CTNNA2: variants seen among roughly 807,000 people sequenced by gnomAD.
CTNNA2 encodes catenin alpha 2, also known as catenin alpha-2.
A neutral mutation model predicts 101.0 loss-of-function variants in CTNNA2; 42 were observed. The ratio of observed to expected loss-of-function variants is 0.42; its 90% CI spans 0.32 to 0.54. The LOEUF (loss-of-function observed/expected upper bound fraction) is 0.54. Among genes scored for constraint, CTNNA2 ranks in the 20% least tolerant of loss-of-function variants. CTNNA2 has a pLI of 0.14. For missense variants in CTNNA2, 871 were observed against 1,223.1 expected, an observed-to-expected ratio of 0.71 and a Z score of 4.29; for synonymous variants, 450 against 456.4, an observed-to-expected ratio of 0.99 and a Z score of 0.18.
intron 12 of CTNNA2, among the ~76,000 whole-genome samples, chr2:80,564,839 T>C (rs75313422): frequency 0.014 from 2,166 of 152,310 alleles, 60 homozygotes; most frequent in African/African-American, 0.05. Context: ...CAGGGTACTG[T>C]TGTTCTTGCT....
intron 2 of CTNNA2, among the ~76,000 whole-genome samples, chr2:79,692,872 G>A (rs1023850759): frequency 1.4e-5 from 2 of 142,106 alleles, no homozygotes; most frequent in Non-Finnish European, 3.1e-5. Flanking sequence ...GGGTCTGTCG[G>A]GGGGTGGGGG....
intron 3 of CTNNA2, among the ~76,000 whole-genome samples, chr2:79,818,521 T>C (rs1174488733): frequency 1.3e-5 from 2 of 151,618 alleles, no homozygotes; most frequent in African/African-American, 4.8e-5. Flanking sequence ...TTCACCATGT[T>C]GGCCAGTCTG....
At chr2:79,918,334 G>C (rs771702134) in intron 7 of CTNNA2, among the ~76,000 whole-genome samples, 12 of 152,130 alleles carry the variant, frequency 7.9e-5, no homozygotes, top group Non-Finnish European at 1.6e-4. Context: ...ACTTTTCATG[G>C]CCTAGACTTG....
intron 7 of CTNNA2, among the ~76,000 whole-genome samples, chr2:79,990,748 T>C (rs1692115486): frequency 6.6e-6 from 1 of 152,144 alleles, no homozygotes; most frequent in South Asian, 2.1e-4. Context: ...TCTTTTTTTG[T>C]TGTGTCTCTG....
At position 80,136,183 on chromosome 2, in the gene CTNNA2, T is replaced by C. The variant is rs142129700; in HGVS notation, c.1056+226386T>C. ...TGCCTGGACGTTAATAAATGACTGT[T>C]CTTGATGCATAATGACTGTTCTTGA... On this transcript the variant is annotated intron_variant, in intron 7 of 18. Coordinates refer to ENST00000402739, the MANE Select transcript of CTNNA2 (RefSeq NM_001282597.3). 1.8e-3 allele frequency among the ~76,000 whole-genome samples: 274 copies of C among 152,234 alleles called. 1 individual carries two copies. The highest frequency in any genetic ancestry group is 6.4e-3 in the African/African-American group (265 of 41,554).
At chr2:79,265,239 C>G (rs919909078) in intron 2 of CTNNA2, among the ~76,000 whole-genome samples, 2 of 152,084 alleles carry the variant, frequency 1.3e-5, no homozygotes, top group African/African-American at 4.8e-5. Context: ...TGGCAAAAAG[C>G]CAGAATATTT....
chr2:80,581,841 T>C (rs754885728), intron 14 of CTNNA2, 22 bp downstream of exon 14: 4 of 1,425,910 alleles, frequency 2.8e-6, no homozygotes, highest in South Asian at 2.3e-5. Flanking sequence ...CCTAAGACTT[T>C]GGCTTGGCAC....
At chr2:80,137,111 T>C (rs780130935) in intron 7 of CTNNA2, among the ~76,000 whole-genome samples, 1 of 152,160 alleles carries the variant, frequency 6.6e-6, no homozygotes, top group Non-Finnish European at 1.5e-5. Flanking sequence ...CTGAGAAGTT[T>C]ATAGTTTACT....
chr2:80,510,574 C>G (rs1688627753), intron 9 of CTNNA2, among the ~76,000 whole-genome samples: 1 of 152,176 alleles, frequency 6.6e-6, no homozygotes, highest in Admixed American at 6.6e-5. Flanking sequence ...GGTCATCTCT[C>G]AAGAGAATGT....
At chr2:80,589,530 AG>A (rs1462187658) in intron 15 of CTNNA2, 45 bp downstream of exon 15, 2 of 1,588,634 alleles carry the variant, frequency 1.3e-6, no homozygotes. Flanking sequence ...CATTAAACCC[AG>A]AAGTGTAGCA....
chr2:80,564,497 G>A (rs1417293543), intron 12 of CTNNA2, among the ~76,000 whole-genome samples: 1 of 140,694 alleles, frequency 7.1e-6, no homozygotes, highest in South Asian at 2.4e-4. Flanking sequence ...TGTCGTGAAT[G>A]GAATTTAGAG....
At chr2:80,382,453 T>A (rs188893704) in intron 7 of CTNNA2, among the ~76,000 whole-genome samples, 1 of 152,308 alleles carries the variant, frequency 6.6e-6, no homozygotes, top group Non-Finnish European at 1.5e-5. Flanking sequence ...ACATCGGAAA[T>A]TCAATTAACA....
chr2:80,020,283 A>G (rs1694461188), intron 7 of CTNNA2, among the ~76,000 whole-genome samples: 1 of 152,196 alleles, frequency 6.6e-6, no homozygotes, highest in Non-Finnish European at 1.5e-5. Context: ...ATGCCAATCA[A>G]AGGCCTATTG....
At chr2:80,122,180 T>TTC (rs1354221129) in intron 7 of CTNNA2, among the ~76,000 whole-genome samples, 4 of 151,340 alleles carry the variant, frequency 2.6e-5, no homozygotes, top group East Asian at 1.9e-4. Context: ...CTCTCTCTAC[T>TTC]TCTCTCTCTC....
chr2:80,641,804 TATTG>T (rs1417380572), intron 18 of CTNNA2, among the ~76,000 whole-genome samples: 3 of 152,136 alleles, frequency 2.0e-5, no homozygotes, highest in Non-Finnish European at 4.4e-5. Context: ...AGGATATTAA[TATTG>T]ATTTTAAAGG....
intron 7 of CTNNA2, among the ~76,000 whole-genome samples, chr2:80,190,149 C>G (rs1706399120): frequency 6.6e-6 from 1 of 151,672 alleles, no homozygotes. Context: ...GAGGTTAACC[C>G]CTATTAACCT....
chr2:80,321,452 C>G lies in CTNNA2; in HGVS notation c.1057-71759C>G, dbSNP rs146104800. Among the ~76,000 whole-genome samples, 1,105 of 152,214 alleles carry G rather than the reference C, an allele frequency of 7.3e-3. 15 individuals carry two copies. Among genetic ancestry groups the G allele is most frequent in the African/African-American group, 0.025 (1,043 of 41,526 alleles). On this transcript the variant is annotated intron_variant, in intron 7 of 18. Transcript: ENST00000402739. ...CGGAGTACAGATGCTGGGGGAAGTA[C>G]GCATTGAGATGAAGTGAAAGAAGTA...
At chr2:79,683,669 G>A (rs1052008942) in intron 2 of CTNNA2, among the ~76,000 whole-genome samples, 4 of 152,226 alleles carry the variant, frequency 2.6e-5, no homozygotes, top group Non-Finnish European at 5.9e-5. Flanking sequence ...TGCCAGGTTA[G>A]TTCCCTTTGT....
At chr2:79,495,080 G>A (rs1671242082) in intron 4 of CTNNA2, among the ~76,000 whole-genome samples, 1 of 152,062 alleles carries the variant, frequency 6.6e-6, no homozygotes, top group Non-Finnish European at 1.5e-5. Context: ...TCCAGCCTGG[G>A]CGACAGAGCA....
Sources: allele counts gnomAD v4.1 joint callset (sites outside exome capture counted in the v4.1 genomes callset), GRCh38; gene constraint gnomAD v4.1.1; transcripts MANE v1.5; gene names NCBI Gene and HGNC (gene_info 2026-07-23, HGNC 2026-07-21).